The following COBL variants were observed in gnomAD, a reference collection of about 807,000 sequenced individuals.
COBL encodes protein cordon-bleu.
COBL carries 51 observed loss-of-function variants against 98.8 expected under a neutral mutation model. The ratio of observed to expected loss-of-function variants is 0.52; its 90% CI spans 0.41 to 0.65. The LOEUF (loss-of-function observed/expected upper bound fraction) is 0.65, where lower values mean the gene tolerates loss of function less well. Among genes scored for constraint, COBL ranks in the 30% least tolerant of loss-of-function variants. The probability of loss-of-function intolerance (pLI) is 0.00; values close to 1 mark genes in which losing one functional copy is unlikely to be tolerated. For missense variants in COBL, 1,617 were observed against 1,617.5 expected (o/e 1.00, Z 0.01); for synonymous variants, 634 against 651.7 (o/e 0.97, Z 0.41).
chr7:51,258,860 A>G (rs1301883741), intron 1 of COBL, among the ~76,000 whole-genome samples: 1 of 152,178 alleles, frequency 6.6e-6, no homozygotes, highest in African/African-American at 2.4e-5. Context: ...TAGTCACTCA[A>G]CATCTTTAAG....
At chr7:51,019,763 ACAC>A (rs1786740690) in intron 12 of COBL, among the ~76,000 whole-genome samples, 1 of 152,214 alleles carries the variant, frequency 6.6e-6, no homozygotes, top group Non-Finnish European at 1.5e-5. Flanking sequence ...TAACCAAAGC[ACAC>A]CACAGGTTTA....
chr7:51,244,809 A>G (rs1313199381), intron 1 of COBL, among the ~76,000 whole-genome samples: 1 of 152,066 alleles, frequency 6.6e-6, no homozygotes. Context: ...ACCTCGCCCA[A>G]CATGTTCTTG....
intron 7 of COBL, among the ~76,000 whole-genome samples, chr7:51,062,603 A>T (rs967483390): frequency 2.6e-5 from 4 of 152,206 alleles, no homozygotes; most frequent in African/African-American, 7.2e-5. Context: ...TTCCCAGACA[A>T]CATCATGGCT....
intron 1 of COBL, among the ~76,000 whole-genome samples, chr7:51,299,296 G>A (rs936552441): frequency 6.6e-6 from 1 of 152,206 alleles, no homozygotes; most frequent in African/African-American, 2.4e-5. Flanking sequence ...GTGCAGCACT[G>A]GCTGTTTAGA....
chr7:51,108,560 A>G (rs1013991476), intron 6 of COBL, among the ~76,000 whole-genome samples: 1 of 152,136 alleles, frequency 6.6e-6, no homozygotes, highest in Non-Finnish European at 1.5e-5. Flanking sequence ...TTGTTTAGAA[A>G]TCCTTATTCT....
intron 1 of COBL, among the ~76,000 whole-genome samples, chr7:51,223,340 A>G (rs1793843155): frequency 6.6e-6 from 1 of 152,254 alleles, no homozygotes; most frequent in Admixed American, 6.5e-5. Flanking sequence ...CACTAACAAA[A>G]TGAATTTTGG....
intron 5 of COBL, among the ~76,000 whole-genome samples, chr7:51,145,330 T>C (rs1378593421): frequency 1.3e-5 from 2 of 151,730 alleles, no homozygotes; most frequent in Non-Finnish European, 2.9e-5. Context: ...TTTAATTCTT[T>C]TGGGTATATT....
In COBL at chr7:51,269,433, C is replaced by T. The variant is rs143435996; in HGVS notation, c.41+47160G>A. On this transcript the variant is annotated intron_variant, in intron 1 of 12. Coordinates refer to ENST00000265136, the MANE Select transcript of COBL (RefSeq NM_015198.5). ...CATGCCGTGCTGCTGGTAAGTGGCA[C>T]AGGGTCCAGACGCAACTGCCACGCA... is the stretch of plus-strand genomic sequence containing the variant. 1.6e-3 allele frequency among the ~76,000 whole-genome samples: 247 copies of T among 152,306 alleles called. 2 individuals carry two copies. The highest frequency in any genetic ancestry group is 5.7e-3 in the African/African-American group (238 of 41,560).
At position 51,040,428 on chromosome 7, in the gene COBL, A is replaced by C. The variant is rs1291412442; in HGVS notation, c.1406+2955T>G. Among the ~76,000 whole-genome samples, 3 of 152,326 alleles carry C rather than the reference A, an allele frequency of 2.0e-5. No homozygotes were observed. The South Asian group carries it at 6.2e-4, about 32-fold the overall frequency. On this transcript the variant is annotated intron_variant, in intron 8 of 12. Transcript: ENST00000265136. ...AGCTGACCACATCCCAGTGAAGGAAAGTGATTGTCCAGGGCAATTCATGGT... is the reference window on the plus strand; with the variant it reads ...AGCTGACCACATCCCAGTGAAGGAACGTGATTGTCCAGGGCAATTCATGGT...
intron 7 of COBL, among the ~76,000 whole-genome samples, chr7:51,083,527 C>CT (rs1583724918): frequency 1.3e-5 from 2 of 152,332 alleles, no homozygotes; most frequent in East Asian, 3.9e-4. Context: ...AAATGCTGGG[C>CT]TTGAAAACTA....
chr7:51,027,628 C>T (rs369004500), intron 10 of COBL, 84 bp downstream of exon 10: 78 of 1,170,976 alleles, frequency 6.7e-5, no homozygotes, highest in African/African-American at 4.9e-4. Flanking sequence ...CTCTCTCTCT[C>T]CTCCGCTTTA....
At chr7:51,063,732 T>C (rs1791617589) in intron 7 of COBL, among the ~76,000 whole-genome samples, 1 of 152,204 alleles carries the variant, frequency 6.6e-6, no homozygotes. Context: ...CTAACTTTTT[T>C]TAAAAAGAAG....
chr7:51,139,801 C>T (rs1583928443), intron 5 of COBL, among the ~76,000 whole-genome samples: 1 of 152,260 alleles, frequency 6.6e-6, no homozygotes, highest in Non-Finnish European at 1.5e-5. Context: ...AAAGTCCTGA[C>T]TCATATCAAT....
intron 8 of COBL, among the ~76,000 whole-genome samples, chr7:51,041,368 A>G (rs1789171976): frequency 6.6e-6 from 1 of 152,132 alleles, no homozygotes; most frequent in Non-Finnish European, 1.5e-5. Flanking sequence ...TTGTGAGTTC[A>G]TATGAATAGG....
intron 1 of COBL, among the ~76,000 whole-genome samples, chr7:51,270,626 C>T (rs1009369563): frequency 6.6e-6 from 1 of 152,142 alleles, no homozygotes; most frequent in Non-Finnish European, 1.5e-5. Context: ...TCATCAGATG[C>T]TACCTTGAGA....
At chr7:51,097,282 A>T (rs1795353235) in intron 6 of COBL, among the ~76,000 whole-genome samples, 1 of 152,192 alleles carries the variant, frequency 6.6e-6, no homozygotes, top group Non-Finnish European at 1.5e-5. Flanking sequence ...AACAACTAGG[A>T]ATCAAAGGAA....
chr7:51,082,307 C>T (rs1471968429), intron 7 of COBL, among the ~76,000 whole-genome samples: 3 of 152,150 alleles, frequency 2.0e-5, no homozygotes, highest in Non-Finnish European at 2.9e-5. Context: ...GAAGTGTCGC[C>T]GCCCAGCTGA....
At chr7:51,304,696 A>C (rs1802292005) in intron 1 of COBL, among the ~76,000 whole-genome samples, 1 of 152,182 alleles carries the variant, frequency 6.6e-6, no homozygotes, top group South Asian at 2.1e-4. Flanking sequence ...TGGCAGAAAA[A>C]CAATAATGGG....
intron 2 of COBL, among the ~76,000 whole-genome samples, chr7:51,204,996 A>G (rs539050564): frequency 3.3e-5 from 5 of 152,376 alleles, no homozygotes; most frequent in Middle Eastern, 3.4e-3. Context: ...TAATACATTG[A>G]TGAAAGAAAT....
Sources: gnomAD v4.1 joint callset for allele counts (sites outside exome capture counted in the v4.1 genomes callset) on GRCh38, gnomAD v4.1.1 for gene constraint, MANE v1.5 for transcripts, NCBI Gene and HGNC (gene_info 2026-07-23, HGNC 2026-07-21) for gene names.